Variants in RAB31 observed in about 807,000 individuals in gnomAD.
The protein encoded by RAB31 is RAB31, member RAS oncogene family.
Under a neutral mutation model 25.6 loss-of-function variants are expected in RAB31, and 21 were observed. That is an observed-to-expected ratio of 0.82 (90% CI 0.58 to 1.18). RAB31 has a LOEUF of 1.18. Ranked by LOEUF, RAB31 falls within the 50% of genes most tolerant of loss-of-function variation. The probability of loss-of-function intolerance (pLI) is 0.00; values close to 1 mark genes in which losing one functional copy is unlikely to be tolerated. For missense variants in RAB31, 196 were observed against 250.1 expected (o/e 0.78, Z 1.46); for synonymous variants, 87 against 84.0 (o/e 1.04, Z -0.20).
chr18:9,786,523 C>T (rs376252682), intron 2 of RAB31, among the ~76,000 whole-genome samples: 7 of 152,198 alleles, frequency 4.6e-5, no homozygotes, highest in Non-Finnish European at 1.0e-4. Flanking sequence ...TGGAGGAGCA[C>T]TCTTGGGTAC....
chr18:9,753,408 A>T (rs954473742), intron 1 of RAB31, among the ~76,000 whole-genome samples: 1 of 152,214 alleles, frequency 6.6e-6, no homozygotes, highest in African/African-American at 2.4e-5. Context: ...CCCCTTTGCC[A>T]TGTGATGCCC....
chr18:9,816,574 T>C (rs2068600185), intron 5 of RAB31, among the ~76,000 whole-genome samples: 1 of 152,234 alleles, frequency 6.6e-6, no homozygotes, highest in Non-Finnish European at 1.5e-5. Flanking sequence ...CACTATTTAG[T>C]TCTAAAATCA....
chr18:9,724,286 AAC>A (rs1491049526), intron 1 of RAB31, among the ~76,000 whole-genome samples: 3,027 of 109,850 alleles, frequency 0.028, 507 homozygotes, highest in African/African-American at 0.1. Flanking sequence ...AAAAAAAAAA[AAC>A]AAAAAAAAAA....
At chr18:9,796,207 A>G (rs1375589625) in intron 3 of RAB31, among the ~76,000 whole-genome samples, 8 of 152,178 alleles carry the variant, frequency 5.3e-5, no homozygotes, top group Non-Finnish European at 5.9e-5. Flanking sequence ...GAATGATACA[A>G]TGGACTTCGG....
At chr18:9,748,899 ATAATAAT>A (rs2068219927) in intron 1 of RAB31, among the ~76,000 whole-genome samples, 1 of 151,840 alleles carries the variant, frequency 6.6e-6, no homozygotes, top group Admixed American at 6.6e-5. Context: ...TCAAAAAAAA[ATAATAAT>A]AAAAATAAAT....
intron 2 of RAB31, among the ~76,000 whole-genome samples, chr18:9,782,070 C>G (rs578134251): frequency 1.3e-5 from 2 of 152,336 alleles, no homozygotes; most frequent in South Asian, 4.1e-4. Flanking sequence ...GTGGTGGGAG[C>G]CAGCCGGTGC....
chr18:9,721,702 G>C (rs1387788958), intron 1 of RAB31, among the ~76,000 whole-genome samples: 1 of 152,098 alleles, frequency 6.6e-6, no homozygotes, highest in Non-Finnish European at 1.5e-5. Context: ...AGTGCCTGCT[G>C]TATACCAGGC....
intron 1 of RAB31, among the ~76,000 whole-genome samples, chr18:9,716,930 C>CTTTCT (rs1555683002): frequency 9.0e-5 from 13 of 145,202 alleles, no homozygotes; most frequent in South Asian, 2.2e-4. Context: ...TTCTTTCTTT[C>CTTTCT]TTTTTTTTTT....
chr18:9,851,959 C>A (rs2068791609), intron 6 of RAB31, among the ~76,000 whole-genome samples: 1 of 150,868 alleles, frequency 6.6e-6, no homozygotes. Flanking sequence ...TCATATATTT[C>A]ATAATATATT....
At chr18:9,722,282 C>T (rs1363748318) in intron 1 of RAB31, among the ~76,000 whole-genome samples, 1 of 152,144 alleles carries the variant, frequency 6.6e-6, no homozygotes, top group Non-Finnish European at 1.5e-5. Context: ...GGGCTGACCA[C>T]AGGAGGATGC....
intron 1 of RAB31, among the ~76,000 whole-genome samples, chr18:9,764,996 CCAGGCTGGAGTG>C (rs1352539312): frequency 6.6e-6 from 1 of 151,888 alleles, no homozygotes; most frequent in Admixed American, 6.6e-5. Flanking sequence ...GCTCCATTAC[CCAGGCTGGAGTG>C]CAATGCCGAT....
chr18:9,733,798 C>G (rs2068135581), intron 1 of RAB31, among the ~76,000 whole-genome samples: 1 of 152,004 alleles, frequency 6.6e-6, no homozygotes, highest in Non-Finnish European at 1.5e-5. Context: ...TCAAGACTCC[C>G]TCAGAGACAT....
At chr18:9,855,960 G>A (rs2068813911) in intron 6 of RAB31, 1 of 152,122 alleles carries the variant, frequency 6.6e-6, no homozygotes, top group South Asian at 2.1e-4. Context: ...TGACGGCTGT[G>A]TGTGTTCCTT....
chr18:9,721,086 T>A (rs968718492), intron 1 of RAB31, among the ~76,000 whole-genome samples: 1 of 152,214 alleles, frequency 6.6e-6, no homozygotes, highest in Non-Finnish European at 1.5e-5. Flanking sequence ...TCTGATTTCC[T>A]ATTCCTCAAA....
chr18:9,845,630 C>G lies in RAB31; in HGVS notation c.429C>G (p.Ala143=). The part of the protein sequence containing the change: ...DAKEYAESIG[A]IVVETSAKNA... The stretch of plus-strand genomic sequence containing the variant: ...AGGAATACGCTGAATCCATAGGTGC[C>G]ATCGTGGTTGAGACAAGTGCAAAAA... Residue 143 remains alanine (A), a synonymous_variant, in exon 6 of 7, where the codon GCC becomes GCG. Transcript: ENST00000578921. 6.4e-7 allele frequency: 1 copy of G among 1,569,852 alleles called. No homozygotes were observed. The highest frequency in any genetic ancestry group is 8.6e-7 in the Non-Finnish European group (1 of 1,156,836).
intron 1 of RAB31, among the ~76,000 whole-genome samples, chr18:9,733,030 A>G (rs1196825074): frequency 6.6e-6 from 1 of 152,176 alleles, no homozygotes; most frequent in Admixed American, 6.5e-5. Flanking sequence ...CTGGATGCTG[A>G]TGTGTTTGGA....
At chr18:9,737,304 C>T (rs752231441) in intron 1 of RAB31, among the ~76,000 whole-genome samples, 41 of 152,254 alleles carry the variant, frequency 2.7e-4, no homozygotes, top group Non-Finnish European at 5.6e-4. Flanking sequence ...GCAGGTGACA[C>T]GTGCACACAC....
At chr18:9,825,764 G>A (rs1428750722) in intron 5 of RAB31, among the ~76,000 whole-genome samples, 1 of 152,196 alleles carries the variant, frequency 6.6e-6, no homozygotes, top group East Asian at 1.9e-4. Context: ...AGGCTTCCTG[G>A]AGAATGAAAA....
chr18:9,846,878 T>C (rs1444599667), intron 6 of RAB31, among the ~76,000 whole-genome samples: 1 of 152,252 alleles, frequency 6.6e-6, no homozygotes, highest in Non-Finnish European at 1.5e-5. Flanking sequence ...TGCAAAAGAA[T>C]GGCTTGGAGC....
Sources: allele counts gnomAD v4.1 joint callset (sites outside exome capture counted in the v4.1 genomes callset), GRCh38; gene constraint gnomAD v4.1.1; transcripts MANE v1.5; gene names NCBI Gene and HGNC (gene_info 2026-07-23, HGNC 2026-07-21).